ATP9B: variants seen among roughly 807,000 people sequenced by gnomAD.
ATP9B encodes the protein probable phospholipid-transporting ATPase IIB.
In ATP9B, 110 loss-of-function variants were observed where a neutral mutation model predicts 146.1. The observed-to-expected ratio is 0.75, with a 90% CI of 0.65 to 0.88. ATP9B has a LOEUF of 0.88. Among genes scored for constraint, ATP9B ranks in the 40% least tolerant of loss-of-function variants. ATP9B has a pLI of 0.00. For synonymous variants in ATP9B, 604 were observed against 569.7 expected (o/e 1.06, Z -0.86); for missense variants, 1,499 against 1,496.4 (o/e 1.00, Z -0.03).
intron 2 of ATP9B, among the ~76,000 whole-genome samples, chr18:79,107,407 G>T (rs771453997): frequency 8.5e-5 from 13 of 152,174 alleles, no homozygotes; most frequent in Non-Finnish European, 1.9e-4. Flanking sequence ...TGCTCATTTG[G>T]ACGGTCCAGG....
intron 15 of ATP9B, among the ~76,000 whole-genome samples, chr18:79,319,206 A>G (rs543424972): frequency 1.4e-4 from 22 of 152,344 alleles, no homozygotes; most frequent in Admixed American, 1.3e-3. Flanking sequence ...ACTAAAAATA[A>G]AAGTTGAGGA....
At chr18:79,373,811 T>G in intron 27 of ATP9B, 87 bp from the exon 28 acceptor site, 1 of 1,398,302 alleles carries the variant, frequency 7.2e-7, no homozygotes, top group Non-Finnish European at 1.0e-6. Flanking sequence ...TTAAGGGTCT[T>G]GAGTGACGTT....
intron 10 of ATP9B, 125 bp from the exon 11 acceptor site, chr18:79,213,837 T>C: frequency 1.4e-6 from 1 of 722,996 alleles, no homozygotes; most frequent in African/African-American, 1.9e-5. Context: ...AAATACACTG[T>C]TGGATAAATT....
intron 1 of ATP9B, among the ~76,000 whole-genome samples, chr18:79,082,911 C>A (rs959071924): frequency 1.1e-4 from 16 of 152,190 alleles, no homozygotes; most frequent in African/African-American, 3.9e-4. Context: ...GGCAGTCTGT[C>A]CCTTAGCAGA....
intron 15 of ATP9B, among the ~76,000 whole-genome samples, chr18:79,312,442 C>G (rs1355411084): frequency 6.6e-6 from 1 of 152,254 alleles, no homozygotes; most frequent in Non-Finnish European, 1.5e-5. Flanking sequence ...CCTAGCCTGA[C>G]ATCCCTTGGC....
At chr18:79,093,002 G>T (rs535129775) in intron 1 of ATP9B, among the ~76,000 whole-genome samples, 1 of 152,096 alleles carries the variant, frequency 6.6e-6, no homozygotes, top group Non-Finnish European at 1.5e-5. Context: ...TTATATGAAT[G>T]ACTGGTAGCA....
intron 11 of ATP9B, among the ~76,000 whole-genome samples, chr18:79,245,537 ACCCTACTGACTGAGGAGGGCACCG>A (rs2095936492): frequency 6.6e-6 from 1 of 151,686 alleles, no homozygotes; most frequent in Non-Finnish European, 1.5e-5. Flanking sequence ...GGAGGGCACC[ACCCTACTGACTGAGGAGGGCACCG>A]CCCTACTGAC....
chr18:79,139,901 G>C (rs1247096137), intron 5 of ATP9B, among the ~76,000 whole-genome samples: 1 of 152,036 alleles, frequency 6.6e-6, no homozygotes, highest in African/African-American at 2.4e-5. Flanking sequence ...GTAAATTTTG[G>C]ATATGCATTT....
Position 79,320,045 on chromosome 18 carries a change from C to T in ATP9B, c.1774-9096C>T, listed in dbSNP as rs549021704. 2.9e-3 allele frequency among the ~76,000 whole-genome samples: 435 copies of T among 152,354 alleles called. 4 individuals carry two copies. Among genetic ancestry groups the T allele is most frequent in the Non-Finnish European group, 4.0e-3 (274 of 68,042 alleles). Reference sequence around the variant, plus strand: ...CCAGGCTGTCCAGGCCCTGGAGAGTCCTGACACGGAGTGCCGAGAACGTGC... The same window carrying T: ...CCAGGCTGTCCAGGCCCTGGAGAGTTCTGACACGGAGTGCCGAGAACGTGC... On this transcript the variant is annotated intron_variant, in intron 15 of 29. Transcript: ENST00000426216.
At chr18:79,191,244 T>C (rs2095363477) in intron 8 of ATP9B, among the ~76,000 whole-genome samples, 2 of 152,178 alleles carry the variant, frequency 1.3e-5, no homozygotes, top group African/African-American at 2.4e-5. Flanking sequence ...TATTTTTCTT[T>C]AGGTATTTTT....
At chr18:79,102,715 T>C (rs2075370709) in intron 2 of ATP9B, among the ~76,000 whole-genome samples, 1 of 152,184 alleles carries the variant, frequency 6.6e-6, no homozygotes, top group South Asian at 2.1e-4. Context: ...ATATATTTTA[T>C]TAGTTTGGGG....
At chr18:79,131,075 C>T (rs1020614947) in intron 5 of ATP9B, among the ~76,000 whole-genome samples, 1 of 152,088 alleles carries the variant, frequency 6.6e-6, no homozygotes, top group Admixed American at 6.5e-5. Flanking sequence ...GCAGGAGAAT[C>T]GCTTGAACCT....
chr18:79,090,547 T>C (rs2074238514), intron 1 of ATP9B, among the ~76,000 whole-genome samples: 1 of 152,238 alleles, frequency 6.6e-6, no homozygotes, highest in African/African-American at 2.4e-5. Context: ...CCTTTTCATA[T>C]GCGTGTTTGT....
chr18:79,143,993 G>T, intron 6 of ATP9B, 133 bp downstream of exon 6: 1 of 524,068 alleles, frequency 1.9e-6, no homozygotes, highest in Non-Finnish European at 3.2e-6. Flanking sequence ...TGTAAGATTT[G>T]TTGTATGTGA....
chr18:79,324,558 G>A (rs553254747), intron 15 of ATP9B, among the ~76,000 whole-genome samples: 1 of 152,284 alleles, frequency 6.6e-6, no homozygotes, highest in South Asian at 2.1e-4. Flanking sequence ...CTCTTGGGGT[G>A]TAGTTCTTCA....
chr18:79,184,383 C>A (rs1375207144), intron 8 of ATP9B, among the ~76,000 whole-genome samples: 2 of 151,934 alleles, frequency 1.3e-5, no homozygotes, highest in Non-Finnish European at 2.9e-5. Context: ...TTTTTAATTT[C>A]ATGTTATGAG....
intron 1 of ATP9B, among the ~76,000 whole-genome samples, chr18:79,082,787 C>T (rs1424052243): frequency 6.6e-6 from 1 of 152,214 alleles, no homozygotes; most frequent in Non-Finnish European, 1.5e-5. Flanking sequence ...AGCTTCGTCC[C>T]AAAGGGGCAC....
intron 1 of ATP9B, chr18:79,078,286 T>C (rs2072860046): frequency 6.6e-6 from 1 of 152,254 alleles, no homozygotes; most frequent in South Asian, 2.1e-4. Flanking sequence ...CTTGGGGACT[T>C]TTTTGGTCTG....
chr18:79,193,298 T>A, intron 9 of ATP9B, 35 bp downstream of exon 9: 1 of 1,502,240 alleles, frequency 6.7e-7, no homozygotes, highest in Non-Finnish European at 9.2e-7. Context: ...CAAATAGAGT[T>A]ATTGTGTAAG....
Sources: allele counts gnomAD v4.1 joint callset (sites outside exome capture counted in the v4.1 genomes callset), GRCh38; gene constraint gnomAD v4.1.1; transcripts MANE v1.5; gene names NCBI Gene and HGNC (gene_info 2026-07-23, HGNC 2026-07-21).